The following CDK11B variants were observed in gnomAD, a reference collection of about 807,000 sequenced individuals.
CDK11B encodes the protein cyclin dependent kinase 11B, also known as cyclin-dependent kinase 11B.
CDK11B carries 37 observed loss-of-function variants against 84.0 expected under a neutral mutation model. The ratio of observed to expected loss-of-function variants is 0.44; its 90% CI spans 0.34 to 0.58. The LOEUF is 0.58. Ranked by LOEUF, CDK11B falls within the 20% of genes least tolerant of loss-of-function variation. The pLI is 0.02. For synonymous variants in CDK11B, 269 were observed against 309.8 expected (o/e 0.87, Z 1.38); for missense variants, 427 against 834.0 (o/e 0.51, Z 6.01).
In CDK11B at chr1:1,650,112, T is replaced by G. The variant is rs1306692275; in HGVS notation, c.356-475A>C. 8.1e-4 allele frequency among the ~76,000 whole-genome samples: 120 copies of G among 148,050 alleles called. 2 individuals carry two copies. Among genetic ancestry groups the G allele is most frequent in the East Asian group, 2.5e-3 (12 of 4,886 alleles). On this transcript the variant is annotated intron_variant, in intron 4 of 19. Coordinates refer to ENST00000341832, the MANE Select transcript of CDK11B (RefSeq NM_033486.3). ...GGTGAAACCCCATCTCTACTAAAAA[T>G]ACAAAAAATTAGCTGGGTGTGGTGG...
chr1:1,650,269 A>C (rs1467773671), intron 4 of CDK11B, among the ~76,000 whole-genome samples: 7 of 129,828 alleles, frequency 5.4e-5, no homozygotes, highest in South Asian at 2.5e-4. Flanking sequence ...ACTCCGTCCC[A>C]AAAAAAAAAA....
At chr1:1,656,343 T>C (rs1227254859) in intron 2 of CDK11B, among the ~76,000 whole-genome samples, 1 of 151,902 alleles carries the variant, frequency 6.6e-6, no homozygotes, top group Non-Finnish European at 1.5e-5. Context: ...ATATAAAAAT[T>C]AGCCGAGCGT....
In CDK11B at chr1:1,637,003, A is replaced by C. The variant is rs750812716; in HGVS notation, c.1694T>G (p.Val565Gly). ...LLLSHAGILK[V>G]GDFGLAREYG... ...CTCCCGCGCCAGCCCGAAGTCACCCACCTGCAACGACAGATGGGCGGCTGT... is the reference window on the plus strand; with the variant it reads ...CTCCCGCGCCAGCCCGAAGTCACCCCCCTGCAACGACAGATGGGCGGCTGT... The change falls in exon 16 of 20, where the codon GTG becomes GGG. Residue 565 changes from valine (V) to glycine (G), a missense_variant and splice_region_variant. Physicochemically the swap from Val to Gly is moderately radical, Grantham distance 109 (BLOSUM62 -3). Transcript: ENST00000341832. 2 of 1,612,430 alleles carry C rather than the reference A, an allele frequency of 1.2e-6. No individual in the cohort carries two copies. The highest frequency in any genetic ancestry group is 2.7e-5 in the African/African-American group (2 of 74,842).
Position 1,637,016 on chromosome 1 carries a change from G to T in CDK11B, c.1693-12C>A. 6.2e-7 allele frequency: 1 copy of T among 1,613,054 alleles called. No homozygotes were observed. The highest frequency in any genetic ancestry group is 8.5e-7 in the Non-Finnish European group (1 of 1,179,548). ...CCGAAGTCACCCACCTGCAACGACA[G>T]ATGGGCGGCTGTGAGTGGGCCCCGG... On this transcript the variant is annotated splice_polypyrimidine_tract_variant and intron_variant, in intron 15 of 19. Transcript: ENST00000341832.
intron 5 of CDK11B, chr1:1,646,651 T>C (rs1641167346): frequency 1.9e-6 from 1 of 518,370 alleles, no homozygotes; most frequent in African/African-American, 1.9e-5. Context: ...TCTGGTGTCA[T>C]TTCTATTCAA....
At chr1:1,640,926 G>C in intron 10 of CDK11B, 122 bp downstream of exon 10, 1 of 1,422,804 alleles carries the variant, frequency 7.0e-7, no homozygotes, top group Non-Finnish European at 9.4e-7. Flanking sequence ...AGCGGCCAAC[G>C]AATCAGGCGG....
chr1:1,637,201 C>T lies in CDK11B; in HGVS notation c.1572G>A (p.Gly524=), dbSNP rs765150806. 6 of 1,613,248 alleles carry T rather than the reference C, an allele frequency of 3.7e-6. No homozygotes were observed. The highest frequency in any genetic ancestry group is 5.1e-6 in the Non-Finnish European group (6 of 1,179,794). ...GCTGGATCATCAGGGTCTTCACCTC[C>T]CCTGGGAGGGAGGGAAGCTCCCATG... ...METMKQPFLP[G]EVKTLMIQLL... is the part of the protein sequence containing the mutation. The change falls in exon 15 of 20, where the codon GGG becomes GGA. Residue 524 remains glycine, a splice_region_variant and synonymous_variant. Transcript: ENST00000341832.
chr1:1,657,613 G>A (rs1642927540), intron 1 of CDK11B, 115 bp from the exon 2 acceptor site: 1 of 811,594 alleles, frequency 1.2e-6, no homozygotes. Context: ...AGAATAAGAA[G>A]TTGTGCCCGG....
Position 1,639,461 on chromosome 1 carries a change from G to A in CDK11B, c.1251+816C>T, listed in dbSNP as rs373226586. 7.0e-4 allele frequency among the ~76,000 whole-genome samples: 106 copies of A among 151,928 alleles called. 4 individuals carry two copies. Among genetic ancestry groups the A allele is most frequent in the African/African-American group, 2.4e-3 (101 of 41,390 alleles). ...AGAGTCTCTTTGTCAAACTGGATGTGTCCCCTGCTTGTACCAGGATGACAC... is the reference window on the plus strand; with the variant it reads ...AGAGTCTCTTTGTCAAACTGGATGTATCCCCTGCTTGTACCAGGATGACAC... On this transcript the variant is annotated intron_variant, in intron 11 of 19. Transcript: ENST00000341832.
chr1:1,650,201 T>C (rs1166017507), intron 4 of CDK11B, among the ~76,000 whole-genome samples: 6 of 130,492 alleles, frequency 4.6e-5, no homozygotes, highest in African/African-American at 9.1e-5. Context: ...ACCCAGGAGA[T>C]GGAATTTGCA....
At chr1:1,655,243 G>GT in intron 3 of CDK11B, 126 bp downstream of exon 3, 1 of 1,203,938 alleles carries the variant, frequency 8.3e-7, no homozygotes, top group Admixed American at 2.9e-5. Context: ...CTATGTCACA[G>GT]TAACTCTAGG....
intron 11 of CDK11B, among the ~76,000 whole-genome samples, chr1:1,639,126 A>G (rs1480766402): frequency 1.3e-5 from 2 of 151,492 alleles, no homozygotes; most frequent in African/African-American, 4.9e-5. Context: ...TTTTTAGTAG[A>G]GACAGGATTT....
At chr1:1,650,521 A>G (rs1570188238) in intron 4 of CDK11B, among the ~76,000 whole-genome samples, 5 of 150,418 alleles carry the variant, frequency 3.3e-5, no homozygotes, top group Admixed American at 6.6e-5. Flanking sequence ...GCCTGCCACC[A>G]CGCCCGGCTA....
At position 1,649,385 on chromosome 1, in the gene CDK11B, G is replaced by A. The variant is rs1163947348; in HGVS notation, c.494+114C>T. The A allele has an allele frequency of 1.1e-4, 89 of 787,998 alleles. 1 individual carries two copies. The highest frequency in any genetic ancestry group is 6.8e-4 in the South Asian group (42 of 61,322). The allele number at this position is 787,998 out of a possible 1,614,324, so 48.8% of individuals were successfully genotyped here. ...CAAAGTGCTGGGATTACAGGCGTGA[G>A]CCACCACACCTGGCTCAGATGTGAC... On this transcript the variant is annotated intron_variant, in intron 5 of 19. Transcript: ENST00000341832.
chr1:1,657,102 A>G (rs1477926800), intron 2 of CDK11B, among the ~76,000 whole-genome samples: 5 of 151,816 alleles, frequency 3.3e-5, no homozygotes, highest in Non-Finnish European at 7.4e-5. Flanking sequence ...ACCGAGAAAA[A>G]TTAGTCCAGT....
At chr1:1,658,193 T>C (rs1570272996) in intron 1 of CDK11B, among the ~76,000 whole-genome samples, 2 of 148,770 alleles carry the variant, frequency 1.3e-5, no homozygotes, top group African/African-American at 2.6e-5. Context: ...GAATGATAAG[T>C]TGTAAGCCAG....
chr1:1,653,165 C>T (rs1642230477), intron 3 of CDK11B, among the ~76,000 whole-genome samples: 1 of 152,024 alleles, frequency 6.6e-6, no homozygotes, highest in Admixed American at 6.6e-5. Context: ...GCTGGGATTA[C>T]AGGCATGCGC....
chr1:1,636,784 G>C lies in CDK11B; in HGVS notation c.1815C>G (p.Ala605=). 5 of 1,613,882 alleles carry C rather than the reference G, an allele frequency of 3.1e-6. No homozygotes were observed. The highest frequency in any genetic ancestry group is 4.2e-6 in the Non-Finnish European group (5 of 1,179,870). ...LLLGAKEYST[A]VDMWSVGCIF... ...TGCAACCCACTGACCACATGTCCAC[G>C]GCCGTGGAGTATTCCTAAGAGGTCA... The change falls in exon 17 of 20, where the codon GCC becomes GCG. Residue 605 remains alanine (A), a synonymous_variant. Transcript: ENST00000341832.
At chr1:1,647,084 C>G (rs1240353842) in intron 5 of CDK11B, 7 of 421,312 alleles carry the variant, frequency 1.7e-5, no homozygotes, top group African/African-American at 1.5e-4. Flanking sequence ...TCCTGGAACC[C>G]CCATTCGACG....
Sources: gnomAD v4.1 joint callset for allele counts (sites outside exome capture counted in the v4.1 genomes callset) on GRCh38, gnomAD v4.1.1 for gene constraint, MANE v1.5 for transcripts, NCBI Gene and HGNC (gene_info 2026-07-23, HGNC 2026-07-21) for gene names.